The following TRAF7 variants were observed in gnomAD, a reference collection of about 807,000 sequenced individuals.
The protein encoded by TRAF7 is E3 ubiquitin-protein ligase TRAF7.
Under a neutral mutation model 89.3 loss-of-function variants are expected in TRAF7, and 45 were observed. The observed-to-expected ratio is 0.50, with a 90% CI of 0.40 to 0.65. The LOEUF (loss-of-function observed/expected upper bound fraction) is 0.65, where lower values mean the gene tolerates loss of function less well. Among genes scored for constraint, TRAF7 ranks in the 30% least tolerant of loss-of-function variants. The pLI is 0.00. For missense variants in TRAF7, 677 were observed against 918.1 expected (o/e 0.74, Z 3.39); for synonymous variants, 406 against 369.2 (o/e 1.10, Z -1.14).
chr16:2,172,171 A>AGCACGCCC lies in TRAF7; in HGVS notation c.476-19_476-12dup, dbSNP rs2093114571. On this transcript the variant is annotated intron_variant, in intron 7 of 20. Transcript: ENST00000326181. ...GTGTGCCAGGCAGGCCGTGAGGGTC[A>AGCACGCCC]GCACGCCCTCCTCTCCCAGAGAAGT... 6.2e-7 allele frequency: 1 copy of AGCACGCCC among 1,612,708 alleles called. No homozygotes were observed.
At chr16:2,174,667 C>T (rs1007382844) in intron 14 of TRAF7, among the ~76,000 whole-genome samples, 1 of 152,188 alleles carries the variant, frequency 6.6e-6, no homozygotes. Flanking sequence ...TGCCTGCAGC[C>T]AAAGCCCAGG....
intron 2 of TRAF7, among the ~76,000 whole-genome samples, chr16:2,164,403 G>C (rs1281077964): frequency 6.8e-6 from 1 of 146,680 alleles, no homozygotes; most frequent in East Asian, 2.1e-4. Context: ...TGGTCGCATG[G>C]TTAAGCGTGT....
At chr16:2,176,527 G>T in intron 20 of TRAF7, 33 bp from the exon 21 acceptor site, 1 of 1,613,206 alleles carries the variant, frequency 6.2e-7, no homozygotes, top group Non-Finnish European at 8.5e-7. Context: ...GCCGGCCGCA[G>T]GACATCCTGG....
intron 14 of TRAF7, 77 bp downstream of exon 14, chr16:2,174,410 A>G (rs2093126908): frequency 6.9e-7 from 1 of 1,441,060 alleles, no homozygotes; most frequent in Non-Finnish European, 9.5e-7. Context: ...GCCGTGAGCC[A>G]TGAGCTCGAG....
At chr16:2,164,183 C>CGCGT (rs1194528434) in intron 2 of TRAF7, among the ~76,000 whole-genome samples, 182 bp downstream of exon 2, 3 of 132,168 alleles carry the variant, frequency 2.3e-5, no homozygotes, top group South Asian at 4.8e-4. Context: ...CGCGCGCGCA[C>CGCGT]GCGTGCGTGT....
chr16:2,157,741 C>T (rs2093040937), intron 1 of TRAF7, among the ~76,000 whole-genome samples: 1 of 152,066 alleles, frequency 6.6e-6, no homozygotes. Context: ...CAGCCACTCC[C>T]CGGCTTGGCA....
chr16:2,170,295 C>T (rs949224893), intron 4 of TRAF7, among the ~76,000 whole-genome samples: 3 of 152,244 alleles, frequency 2.0e-5, no homozygotes, highest in African/African-American at 7.2e-5. Flanking sequence ...CCCACATTCC[C>T]CCACGGGAAG....
chr16:2,166,703 A>G (rs1335293306), intron 3 of TRAF7, among the ~76,000 whole-genome samples: 1 of 152,252 alleles, frequency 6.6e-6, no homozygotes. Flanking sequence ...AGCCAAGCCC[A>G]ATAAATCTTC....
intron 4 of TRAF7, 83 bp from the exon 5 acceptor site, chr16:2,170,531 G>A (rs775277135): frequency 4.5e-5 from 47 of 1,048,806 alleles, no homozygotes; most frequent in Non-Finnish European, 5.9e-5. Flanking sequence ...CTGCCCTCGC[G>A]CTTCCGCCGG....
Position 2,165,907 on chromosome 16 carries a change from C to T in TRAF7, c.110C>T (p.Ala37Val). The T allele has an allele frequency of 6.2e-7, 1 of 1,614,126 alleles. No homozygotes were observed. The highest frequency in any genetic ancestry group is 8.5e-7 in the Non-Finnish European group (1 of 1,179,978). Residue 37 changes from alanine (A) to valine (V), a missense_variant, in exon 3 of 21, where the codon GCC becomes GTC. Ala to Val is a moderately conservative substitution (Grantham distance 64, BLOSUM62 0). Around this residue, in one of 6 missense-constraint regions of TRAF7, gnomAD observed 240 missense variants for 191.9 expected, o/e 1.25. Coordinates refer to ENST00000326181, the MANE Select transcript of TRAF7 (RefSeq NM_032271.3). The part of the protein sequence containing the change: ...GTRMETTFGP[A>V]FSAVTTITKA... Reference sequence around the variant, plus strand: ...AGAATGGAAACGACCTTCGGACCCGCCTTTTCAGCCGTCACCACCATCACA... The same window carrying T: ...AGAATGGAAACGACCTTCGGACCCGTCTTTTCAGCCGTCACCACCATCACA...
At position 2,171,472 on chromosome 16, in the gene TRAF7, A is replaced by G. The variant is rs564157669; in HGVS notation, c.442-100A>G. The G allele has an allele frequency of 1.0e-4, 157 of 1,576,768 alleles. No homozygotes were observed. In the African/African-American group the frequency reaches 1.7e-3, roughly 17 times the overall value. On this transcript the variant is annotated intron_variant, in intron 6 of 20. Coordinates refer to ENST00000326181, the MANE Select transcript of TRAF7 (RefSeq NM_032271.3). The stretch of plus-strand genomic sequence containing the variant: ...CTTGGTCAAGGCCTGTCCTGGCTGC[A>G]CTGGGCTTGGGGTACAGCGAGGCCT...
Position 2,158,004 on chromosome 16 carries a change from C to T in TRAF7, c.-39+2146C>T, listed in dbSNP as rs1388212102. ...GCTCTATTCCGTTTTTCGAGAAGCC[C>T]GAGGCCAGGAGGGCAGGTACACAGC... On this transcript the variant is annotated intron_variant, in intron 1 of 20. Transcript: ENST00000326181. The surrounding 1 kb of genome is among the most constrained non-coding windows in gnomAD (Gnocchi z 4.7). 6.6e-6 allele frequency among the ~76,000 whole-genome samples: 1 copy of T among 152,170 alleles called. No individual in the cohort carries two copies. The highest frequency in any genetic ancestry group is 1.5e-5 in the Non-Finnish European group (1 of 68,026).
rs2141294718 is a variant in TRAF7, at chr16:2,175,517, C to T, written c.1521C>T (p.Gly507=). Residue 507 remains glycine, a synonymous_variant, in exon 17 of 21, where the codon GGC becomes GGT. Coordinates refer to ENST00000326181, the MANE Select transcript of TRAF7 (RefSeq NM_032271.3). ...CCCTGCAGGTCTGGGACATCGTGGG[C>T]ACTGAGCTGAAGTTGAAGAAGGAGC... ...LKAIKVWDIV[G]TELKLKKELT... 6.2e-7 allele frequency: 1 copy of T among 1,613,402 alleles called. No homozygotes were observed. The highest frequency in any genetic ancestry group is 2.2e-5 in the East Asian group (1 of 44,888).
chr16:2,161,156 G>A lies in TRAF7; in HGVS notation c.-38-2727G>A, dbSNP rs527595302. ...CGAGTGAACTGGGAAGCAGCCTCCT[G>A]TGCAGAGTATCCCCCTCCTTCCCTC... On this transcript the variant is annotated intron_variant, in intron 1 of 20. Coordinates refer to ENST00000326181, the MANE Select transcript of TRAF7 (RefSeq NM_032271.3). The surrounding 1 kb of genome is among the most constrained non-coding windows in gnomAD (Gnocchi z 5.2). Among the ~76,000 whole-genome samples the A allele has an allele frequency of 3.6e-4, 54 of 151,852 alleles. No individual in the cohort carries two copies. The highest frequency in any genetic ancestry group is 1.2e-3 in the African/African-American group (51 of 41,390).
rs778576399 is a variant in TRAF7, at chr16:2,170,585, C to A, written c.232-29C>A. On this transcript the variant is annotated intron_variant, in intron 4 of 20. Transcript: ENST00000326181. ...CGAGGCTCTGACCCCGTGCGGAGCC[C>A]CCCGACAGGCGCCTCTCCCTCCACA... 4 of 1,576,102 alleles carry A rather than the reference C, an allele frequency of 2.5e-6. No homozygotes were observed. The South Asian group carries it at 4.5e-5, about 18-fold the overall frequency.
At chr16:2,156,045 T>A (rs1486931982) in intron 1 of TRAF7, among the ~76,000 whole-genome samples, 187 bp downstream of exon 1, 1 of 151,842 alleles carries the variant, frequency 6.6e-6, no homozygotes, top group Non-Finnish European at 1.5e-5. Context: ...TCGCTGTCCG[T>A]CCGCCAGTCA....
chr16:2,168,096 C>A lies in TRAF7; in HGVS notation c.159C>A (p.Tyr53Ter), dbSNP rs2141279710. ...TITKADGTST[Y>*]KQHCRTPSSS... ...TTGCAGCTGACGGGACCAGCACCTACAAGCAGCACTGCAGGACACCCTCCT... is the reference window on the plus strand; with the variant it reads ...TTGCAGCTGACGGGACCAGCACCTAAAAGCAGCACTGCAGGACACCCTCCT... The change falls in exon 4 of 21, where the codon TAC becomes TAA. Residue 53 changes from tyrosine (Y) to a stop codon, truncating the protein, a stop_gained. Coordinates refer to ENST00000326181, the MANE Select transcript of TRAF7 (RefSeq NM_032271.3). LOFTEE classifies it high-confidence loss of function. This position sits in a 1 kb window ranked among gnomAD's most constrained non-coding sequence, Gnocchi z 4.1. 6.2e-7 allele frequency: 1 copy of A among 1,612,066 alleles called. No individual in the cohort carries two copies. The highest frequency in any genetic ancestry group is 8.5e-7 in the Non-Finnish European group (1 of 1,179,886).
Position 2,161,537 on chromosome 16 carries a change from G to C in TRAF7, c.-38-2346G>C, listed in dbSNP as rs373476060. On this transcript the variant is annotated intron_variant, in intron 1 of 20. Transcript: ENST00000326181. This position sits in a 1 kb window ranked among gnomAD's most constrained non-coding sequence, Gnocchi z 5.2. ...CTGGGCCCCCGGGCAGGCATCACTG[G>C]CAGGGCTTGCAGCTGGCCCTGGGGC... 0.012 allele frequency among the ~76,000 whole-genome samples: 1,847 copies of C among 152,236 alleles called. 26 individuals are homozygous for C. Among genetic ancestry groups the C allele is most frequent in the South Asian group, 0.071 (342 of 4,818 alleles).
At position 2,176,192 on chromosome 16, in the gene TRAF7, C is replaced by T. The variant is rs1475851308; in HGVS notation, c.1878+12C>T. ...ACCGGTCCCTCAGGGTGCGTGCTGG[C>T]CCAGCGGTGGCAGGAGGCTCAGAGG... On this transcript the variant is annotated intron_variant, in intron 19 of 20. Transcript: ENST00000326181. The T allele has an allele frequency of 6.2e-7, 1 of 1,603,422 alleles. No individual in the cohort carries two copies. Among genetic ancestry groups the T allele is most frequent in the Admixed American group, 1.7e-5 (1 of 59,878 alleles).
Sources: allele counts gnomAD v4.1 joint callset (sites outside exome capture counted in the v4.1 genomes callset), GRCh38; gene constraint gnomAD v4.1.1; regional missense constraint gnomAD v4.1.1; non-coding constraint Gnocchi (gnomAD v3.1); transcripts MANE v1.5; gene names NCBI Gene and HGNC (gene_info 2026-07-23, HGNC 2026-07-21).